Variants in UNC13B observed in about 807,000 individuals in gnomAD.
UNC13B encodes the protein unc-13 homolog B, also known as protein unc-13 homolog B.
A neutral mutation model predicts 211.0 loss-of-function variants in UNC13B; 144 were observed. That is an observed-to-expected ratio of 0.68 (90% CI 0.60 to 0.78). The LOEUF is 0.78. UNC13B is among the 30% of genes least tolerant of loss of function. UNC13B has a pLI of 0.00. For synonymous variants in UNC13B, 709 were observed against 725.8 expected, an observed-to-expected ratio of 0.98 and a Z score of 0.37; for missense variants, 1,777 against 2,002.0, an observed-to-expected ratio of 0.89 and a Z score of 2.14.
chr9:35,353,145 T>G (rs1156425862), intron 11 of UNC13B: 1 of 1,232,014 alleles, frequency 8.1e-7, no homozygotes, highest in African/African-American at 1.6e-5. Context: ...AGTGACATGG[T>G]TCATATTGAC....
At chr9:35,251,165 C>T (rs556548095) in intron 6 of UNC13B, among the ~76,000 whole-genome samples, 3 of 151,910 alleles carry the variant, frequency 2.0e-5, no homozygotes, top group African/African-American at 7.2e-5. Context: ...AGGGTTTCAC[C>T]GTGTTAGCCA....
chr9:35,206,200 TAAAAATTAAA>T (rs1823632240), intron 1 of UNC13B, among the ~76,000 whole-genome samples: 1 of 151,818 alleles, frequency 6.6e-6, no homozygotes, highest in Non-Finnish European at 1.5e-5. Flanking sequence ...GTCTCAAAAA[TAAAAATTAAA>T]AAAAATTAAA....
chr9:35,379,732 T>G (rs1834691085), intron 17 of UNC13B, among the ~76,000 whole-genome samples: 1 of 152,204 alleles, frequency 6.6e-6, no homozygotes, highest in African/African-American at 2.4e-5. Flanking sequence ...CTTGTTGATT[T>G]GTCTATTATC....
chr9:35,256,969 G>A (rs6476481), intron 6 of UNC13B, among the ~76,000 whole-genome samples: 148,834 of 152,210 alleles, frequency 0.98, 72,853 homozygotes, highest in East Asian at 1. Context: ...TTGGGCCTGG[G>A]AGAGATTCAT....
chr9:35,246,660 T>C (rs1587457662), intron 6 of UNC13B, among the ~76,000 whole-genome samples: 1 of 152,218 alleles, frequency 6.6e-6, no homozygotes, highest in Admixed American at 6.5e-5. Context: ...CAGATGGTTG[T>C]AGATGTGTGG....
At chr9:35,203,941 A>G (rs1823484420) in intron 1 of UNC13B, among the ~76,000 whole-genome samples, 1 of 152,256 alleles carries the variant, frequency 6.6e-6, no homozygotes, top group African/African-American at 2.4e-5. Context: ...GGCGTTTCAG[A>G]GAACTTTGTG....
chr9:35,251,866 A>AT (rs1337518027), intron 6 of UNC13B, among the ~76,000 whole-genome samples: 2 of 151,990 alleles, frequency 1.3e-5, no homozygotes, highest in African/African-American at 2.4e-5. Flanking sequence ...TTATTTTTGT[A>AT]TTTTTTGTAG....
At chr9:35,322,659 G>A (rs967107580) in intron 11 of UNC13B, among the ~76,000 whole-genome samples, 1 of 152,152 alleles carries the variant, frequency 6.6e-6, no homozygotes, top group Non-Finnish European at 1.5e-5. Flanking sequence ...CCCAAGAAAA[G>A]TGACTTCCTT....
intron 4 of UNC13B, among the ~76,000 whole-genome samples, chr9:35,236,841 C>A (rs1053564387): frequency 6.6e-6 from 1 of 152,088 alleles, no homozygotes; most frequent in African/African-American, 2.4e-5. Context: ...GTAGATAGCC[C>A]CTTCTGAGGT....
At chr9:35,317,310 C>G (rs971326099) in intron 11 of UNC13B, among the ~76,000 whole-genome samples, 1 of 152,026 alleles carries the variant, frequency 6.6e-6, no homozygotes, top group Admixed American at 6.6e-5. Flanking sequence ...AAGTGATCCT[C>G]CCACCTCAGC....
chr9:35,345,704 CTT>C (rs1374537374), intron 11 of UNC13B, among the ~76,000 whole-genome samples: 1 of 152,200 alleles, frequency 6.6e-6, no homozygotes, highest in African/African-American at 2.4e-5. Flanking sequence ...TTGTTGTATG[CTT>C]TGTTATACTC....
At chr9:35,278,812 G>A (rs963939819) in intron 7 of UNC13B, among the ~76,000 whole-genome samples, 1 of 151,852 alleles carries the variant, frequency 6.6e-6, no homozygotes, top group African/African-American at 2.4e-5. Context: ...CTTTTTTTCT[G>A]TACCCTGTCC....
intron 6 of UNC13B, among the ~76,000 whole-genome samples, chr9:35,248,860 T>G (rs1334738809): frequency 1.3e-5 from 2 of 152,202 alleles, no homozygotes; most frequent in African/African-American, 2.4e-5. Flanking sequence ...GTTCTGTAGA[T>G]GTCTATTAGA....
chr9:35,400,615 C>T (rs184006445), intron 37 of UNC13B, among the ~76,000 whole-genome samples, 172 bp downstream of exon 37: 2 of 152,322 alleles, frequency 1.3e-5, no homozygotes, highest in Admixed American at 6.5e-5. Flanking sequence ...CCACCCCATA[C>T]CCATTACCAG....
intron 5 of UNC13B, 105 bp from the exon 6 acceptor site, chr9:35,243,186 A>G (rs1468732756): frequency 6.3e-6 from 7 of 1,118,674 alleles, no homozygotes; most frequent in African/African-American, 3.1e-5. Flanking sequence ...GTGCATCACT[A>G]CCACCTTCTG....
intron 6 of UNC13B, among the ~76,000 whole-genome samples, chr9:35,253,751 C>T (rs1445412513): frequency 6.6e-6 from 1 of 152,246 alleles, no homozygotes; most frequent in Non-Finnish European, 1.5e-5. Flanking sequence ...ATTATAAATG[C>T]GTGCTGCAGT....
At chr9:35,387,061 C>T (rs563441624) in intron 24 of UNC13B, among the ~76,000 whole-genome samples, 1 of 152,126 alleles carries the variant, frequency 6.6e-6, no homozygotes, top group Admixed American at 6.5e-5. Context: ...CTGAGGAGAG[C>T]ACAGTGCTCC....
At chr9:35,274,352 T>G (rs1564107399) in intron 7 of UNC13B, among the ~76,000 whole-genome samples, 1 of 152,028 alleles carries the variant, frequency 6.6e-6, no homozygotes, top group Non-Finnish European at 1.5e-5. Context: ...TGATTACAGG[T>G]GTGAGCCACC....
At chr9:35,268,916 G>A (rs1394931056) in intron 7 of UNC13B, among the ~76,000 whole-genome samples, 1 of 152,128 alleles carries the variant, frequency 6.6e-6, no homozygotes, top group Non-Finnish European at 1.5e-5. Context: ...CACTGTGGTT[G>A]CAAAATGATG....
Sources: allele counts gnomAD v4.1 joint callset (sites outside exome capture counted in the v4.1 genomes callset), GRCh38; gene constraint gnomAD v4.1.1; transcripts MANE v1.5; gene names NCBI Gene and HGNC (gene_info 2026-07-23, HGNC 2026-07-21).